The following NRXN3 variants were observed in gnomAD, a reference collection of about 807,000 sequenced individuals.
NRXN3 encodes the protein neurexin 3, also known as neurexin III.
In NRXN3, 32 loss-of-function variants were observed where a neutral mutation model predicts 137.6. The observed-to-expected ratio is 0.23, with a 90% CI of 0.18 to 0.31. NRXN3 has a LOEUF of 0.31. Among genes scored for constraint, NRXN3 ranks in the 10% least tolerant of loss-of-function variants. The pLI is 1.00. For missense variants in NRXN3, 1,574 were observed against 2,062.5 expected (o/e 0.76, Z 4.59); for synonymous variants, 798 against 784.5 (o/e 1.02, Z -0.29).
chr14:79,787,528 C>CCAA (rs2099132876), intron 19 of NRXN3, among the ~76,000 whole-genome samples: 1 of 152,162 alleles, frequency 6.6e-6, no homozygotes, highest in Non-Finnish European at 1.5e-5. Flanking sequence ...TAGTCTTCAA[C>CCAA]CAACATCTCC....
rs191424691 is a variant in NRXN3, at chr14:78,362,974, A to C, written c.757+65114A>C. ...GCATGAGAAAAGTTAGATTGGTTCTAATGATTTGCACCAAGTGAGTCCTCT... is the reference window on the plus strand; with the variant it reads ...GCATGAGAAAAGTTAGATTGGTTCTCATGATTTGCACCAAGTGAGTCCTCT... On this transcript the variant is annotated intron_variant, in intron 4 of 20. Transcript: ENST00000335750. 2.9e-3 allele frequency among the ~76,000 whole-genome samples: 441 copies of C among 152,286 alleles called. 1 individual carries two copies. The highest frequency in any genetic ancestry group is 0.018 in the South Asian group (86 of 4,818).
intron 15 of NRXN3, among the ~76,000 whole-genome samples, chr14:79,181,347 A>T (rs2062905920): frequency 6.6e-6 from 1 of 152,140 alleles, no homozygotes; most frequent in African/African-American, 2.4e-5. Context: ...GTAAAATTTA[A>T]CTAGGGTAAT....
intron 15 of NRXN3, among the ~76,000 whole-genome samples, chr14:79,262,343 G>A (rs1244347101): frequency 1.3e-5 from 2 of 148,556 alleles, no homozygotes; most frequent in South Asian, 2.1e-4. Context: ...AGGAAGAGAA[G>A]CATGAGGAAG....
chr14:78,295,944 A>G (rs945265415), intron 3 of NRXN3, among the ~76,000 whole-genome samples: 1 of 151,806 alleles, frequency 6.6e-6, no homozygotes, highest in African/African-American at 2.4e-5. Context: ...CAGCTGCCAA[A>G]CATCTTTAAT....
intron 4 of NRXN3, among the ~76,000 whole-genome samples, chr14:78,524,491 A>G (rs1231183220): frequency 2.0e-5 from 3 of 152,230 alleles, no homozygotes; most frequent in Non-Finnish European, 4.4e-5. Flanking sequence ...TGGAGGGTTT[A>G]TTAAAAACAC....
chr14:79,326,549 C>G (rs559095510), intron 15 of NRXN3, among the ~76,000 whole-genome samples: 6 of 152,158 alleles, frequency 3.9e-5, no homozygotes, highest in Non-Finnish European at 4.4e-5. Context: ...ATTTAAGAAA[C>G]AGAAACCCTA....
chr14:79,494,106 C>G (rs1567282742), intron 16 of NRXN3, among the ~76,000 whole-genome samples: 1 of 152,148 alleles, frequency 6.6e-6, no homozygotes, highest in Non-Finnish European at 1.5e-5. Context: ...ATAGTTGGTG[C>G]TTGGTACTAA....
Position 79,866,799 on chromosome 14 carries a change from A to G in NRXN3, c.*4835A>G, listed in dbSNP as rs942775639. On this transcript the variant is annotated 3_prime_UTR_variant, in exon 21 of 21. Transcript: ENST00000335750. ...GCATAAGTCAATCTTCTTGGAGAGA[A>G]TGGGATCAGAAACTGACATATTGCT... 2 of 152,186 alleles carry G rather than the reference A, an allele frequency of 1.3e-5. No homozygotes were observed. The highest frequency in any genetic ancestry group is 2.9e-5 in the Non-Finnish European group (2 of 68,050). The allele number at this position is 152,186 out of a possible 1,614,324, so 9.4% of individuals were successfully genotyped here.
chr14:78,390,727 A>G (rs376219537), intron 4 of NRXN3, among the ~76,000 whole-genome samples: 5 of 152,194 alleles, frequency 3.3e-5, no homozygotes, highest in African/African-American at 1.2e-4. Flanking sequence ...CTATTGCTTG[A>G]AAGAAAATCA....
intron 20 of NRXN3, among the ~76,000 whole-genome samples, chr14:79,847,854 A>C (rs2099383446): frequency 6.6e-6 from 1 of 151,488 alleles, no homozygotes; most frequent in South Asian, 2.1e-4. Context: ...AAAAGGGAAA[A>C]CCCACCTAAG....
chr14:79,366,429 C>T (rs1419363678), intron 15 of NRXN3, among the ~76,000 whole-genome samples: 1 of 152,110 alleles, frequency 6.6e-6, no homozygotes, highest in Non-Finnish European at 1.5e-5. Flanking sequence ...AATGTTTTTG[C>T]ACCCGCTAAC....
Position 78,811,448 on chromosome 14 carries a change from T to A in NRXN3, c.2275+1104T>A, listed in dbSNP as rs116203966. On this transcript the variant is annotated intron_variant, in intron 10 of 20. Coordinates refer to ENST00000335750, the MANE Select transcript of NRXN3 (RefSeq NM_001330195.2). ...CTGGAAGTAACAAACATCGCTTCTA[T>A]CCATATTTGGTTTGCTAGACATGAC... Among the ~76,000 whole-genome samples the A allele has an allele frequency of 1.0e-2, 1,521 of 152,270 alleles. 20 individuals carry two copies. Among genetic ancestry groups the A allele is most frequent in the African/African-American group, 0.035 (1,448 of 41,548 alleles).
chr14:79,439,746 T>C (rs944256390), intron 15 of NRXN3, among the ~76,000 whole-genome samples: 5 of 152,278 alleles, frequency 3.3e-5, no homozygotes, highest in African/African-American at 1.2e-4. Context: ...TAATCATTTC[T>C]ACATTTTCTT....
Position 79,207,890 on chromosome 14 carries a change from T to C in NRXN3, c.3262+219749T>C, listed in dbSNP as rs1316588210. Among the ~76,000 whole-genome samples the C allele has an allele frequency of 3.3e-5, 5 of 152,074 alleles. No homozygotes were observed. The East Asian group carries it at 7.7e-4, about 24-fold the overall frequency. The stretch of plus-strand genomic sequence containing the variant: ...TATATTTTAAATTTTATTTAATAAA[T>C]ATATAAAAAGCACTGTTCTATGTGT... On this transcript the variant is annotated intron_variant, in intron 15 of 20. Coordinates refer to ENST00000335750, the MANE Select transcript of NRXN3 (RefSeq NM_001330195.2).
intron 4 of NRXN3, among the ~76,000 whole-genome samples, chr14:78,499,921 ATAAAG>A (rs1421749682): frequency 1.3e-5 from 2 of 152,178 alleles, no homozygotes; most frequent in African/African-American, 4.8e-5. Flanking sequence ...GCAATCTTAT[ATAAAG>A]TAATCACAGA....
intron 15 of NRXN3, among the ~76,000 whole-genome samples, chr14:79,370,855 T>C (rs530068304): frequency 3.9e-5 from 6 of 152,208 alleles, no homozygotes; most frequent in African/African-American, 1.4e-4. Flanking sequence ...GTTTTAAGAG[T>C]CTAATATGTG....
At chr14:79,517,872 T>C (rs2097010810) in intron 16 of NRXN3, among the ~76,000 whole-genome samples, 1 of 151,544 alleles carries the variant, frequency 6.6e-6, no homozygotes, top group Admixed American at 6.6e-5. Flanking sequence ...TATTACTTTT[T>C]CTTTCAGAGT....
At chr14:79,015,425 A>G (rs1265892068) in intron 15 of NRXN3, among the ~76,000 whole-genome samples, 2 of 152,168 alleles carry the variant, frequency 1.3e-5, no homozygotes, top group Admixed American at 1.3e-4. Flanking sequence ...ATAGATTAGG[A>G]ATCATGGAAG....
Position 78,709,540 on chromosome 14 carries a change from C to A in NRXN3, c.1545C>A (p.Gly515=), listed in dbSNP as rs2098387809. ...TCTTTGCCGTGGAACTCCTCGATGG[C>A]AACCTGTACTTGCTGCTTGACATGG... The part of the protein sequence containing the change: ...VDFFAVELLD[G]NLYLLLDMGS... Residue 515 remains glycine, a synonymous_variant, in exon 7 of 21, where the codon GGC becomes GGA. Coordinates refer to ENST00000335750, the MANE Select transcript of NRXN3 (RefSeq NM_001330195.2). 4 of 1,614,048 alleles carry A rather than the reference C, an allele frequency of 2.5e-6. No individual in the cohort carries two copies. The highest frequency in any genetic ancestry group is 1.7e-6 in the Non-Finnish European group (2 of 1,180,000).
Sources: allele counts gnomAD v4.1 joint callset (sites outside exome capture counted in the v4.1 genomes callset), GRCh38; gene constraint gnomAD v4.1.1; transcripts MANE v1.5; gene names NCBI Gene and HGNC (gene_info 2026-07-23, HGNC 2026-07-21).